DLG2: variants seen among roughly 807,000 people sequenced by gnomAD.
DLG2 encodes discs large MAGUK scaffold protein 2.
In DLG2, 45 loss-of-function variants were observed where a neutral mutation model predicts 132.5. The ratio of observed to expected loss-of-function variants is 0.34; its 90% CI spans 0.27 to 0.44. DLG2 has a LOEUF of 0.44. DLG2 is among the 20% of genes least tolerant of loss of function. DLG2 has a pLI of 1.00. For missense variants in DLG2, 1,045 were observed against 1,196.9 expected, an observed-to-expected ratio of 0.87 and a Z score of 1.87; for synonymous variants, 424 against 419.6, an observed-to-expected ratio of 1.01 and a Z score of -0.13.
At chr11:83,900,355 T>G (rs1355358205) in intron 15 of DLG2, among the ~76,000 whole-genome samples, 1 of 151,714 alleles carries the variant, frequency 6.6e-6, no homozygotes, top group Non-Finnish European at 1.5e-5. Flanking sequence ...CCTAAGAAAA[T>G]GGGGGAAATG....
intron 3 of DLG2, among the ~76,000 whole-genome samples, chr11:85,318,802 G>A (rs2080860970): frequency 6.6e-6 from 1 of 151,762 alleles, no homozygotes; most frequent in Non-Finnish European, 1.5e-5. Flanking sequence ...CTTCCTTCCA[G>A]CAACCCTCTA....
intron 18 of DLG2, among the ~76,000 whole-genome samples, chr11:83,642,182 G>A (rs866024751): frequency 3.3e-5 from 5 of 152,260 alleles, no homozygotes; most frequent in South Asian, 2.1e-4. Context: ...CTGGCATAGC[G>A]TGTGGCACAC....
chr11:84,896,930 G>T (rs965481152), intron 6 of DLG2, among the ~76,000 whole-genome samples: 2 of 151,382 alleles, frequency 1.3e-5, no homozygotes, highest in African/African-American at 4.8e-5. Context: ...ATCCATTGGG[G>T]GTTTTGAGCA....
chr11:84,686,630 G>GTTTTGTTTT (rs2099738391), intron 6 of DLG2, among the ~76,000 whole-genome samples: 1 of 113,804 alleles, frequency 8.8e-6, no homozygotes, highest in African/African-American at 3.4e-5. Context: ...TGGCCTTGAG[G>GTTTTGTTTT]TTTTTTTTTT....
At chr11:84,546,506 C>T (rs11234071) in intron 6 of DLG2, 7,259 of 305,034 alleles carry the variant, frequency 0.024, 131 homozygotes, top group Non-Finnish European at 0.035. Context: ...CAACCATGAG[C>T]TGATACAGCC....
At chr11:83,846,941 C>CAAAA (rs2058740920) in intron 16 of DLG2, among the ~76,000 whole-genome samples, 11 of 68,496 alleles carry the variant, frequency 1.6e-4, no homozygotes, top group East Asian at 3.7e-4. Flanking sequence ...TCTCCCAAGC[C>CAAAA]AAAAAAAAAA....
chr11:83,656,984 C>T (rs2072679596), intron 18 of DLG2, among the ~76,000 whole-genome samples: 1 of 152,168 alleles, frequency 6.6e-6, no homozygotes, highest in Non-Finnish European at 1.5e-5. Context: ...CCCATGAGTG[C>T]CTCCTGAAAT....
chr11:84,241,967 T>C (rs1176516353), intron 8 of DLG2, among the ~76,000 whole-genome samples: 1 of 152,224 alleles, frequency 6.6e-6, no homozygotes. Context: ...AGACTGCACC[T>C]TGAGCAGCTT....
intron 18 of DLG2, among the ~76,000 whole-genome samples, chr11:83,730,312 T>C (rs1049657927): frequency 6.6e-6 from 1 of 152,138 alleles, no homozygotes; most frequent in Non-Finnish European, 1.5e-5. Flanking sequence ...ACCTTGTAAA[T>C]TACTTAACCA....
At chr11:84,557,373 C>T (rs2099413956) in intron 6 of DLG2, among the ~76,000 whole-genome samples, 1 of 151,980 alleles carries the variant, frequency 6.6e-6, no homozygotes, top group Admixed American at 6.6e-5. Context: ...TTGATTTTAG[C>T]TCCCACAATG....
Position 84,469,933 on chromosome 11 carries a change from G to A in DLG2, c.519+64637C>T, listed in dbSNP as rs890030398. 2.6e-5 allele frequency among the ~76,000 whole-genome samples: 4 copies of A among 151,736 alleles called. No individual in the cohort carries two copies. In the South Asian group the frequency reaches 6.2e-4, roughly 24 times the overall value. On this transcript the variant is annotated intron_variant, in intron 7 of 27. Coordinates refer to ENST00000376104, the MANE Select transcript of DLG2 (RefSeq NM_001142699.3). ...TAATTACATAAACCTAGATGGTATA[G>A]CCCAATACACATTGAGACTATGTAA...
At chr11:84,835,380 A>G (rs964791881) in intron 6 of DLG2, among the ~76,000 whole-genome samples, 1 of 151,712 alleles carries the variant, frequency 6.6e-6, no homozygotes, top group Non-Finnish European at 1.5e-5. Flanking sequence ...TAACTCATTT[A>G]GACTCTCTAT....
intron 3 of DLG2, among the ~76,000 whole-genome samples, chr11:85,517,670 C>T (rs76425741): frequency 6.6e-6 from 1 of 151,678 alleles, no homozygotes; most frequent in Non-Finnish European, 1.5e-5. Flanking sequence ...AGTGCAATGG[C>T]ACAATCATAG....
rs1159749191 is a variant in DLG2, at chr11:84,390,017, ACT to A, written c.520-138728_520-138727del. Among the ~76,000 whole-genome samples, 6 of 152,180 alleles carry A rather than the reference ACT, an allele frequency of 3.9e-5. 1 individual carries two copies. Among genetic ancestry groups the A allele is most frequent in the African/African-American group, 1.4e-4 (6 of 41,454 alleles). On this transcript the variant is annotated intron_variant, in intron 7 of 27. Transcript: ENST00000376104. ...TCAATATGAATATTCAGTTTGATAC[ACT>A]GTTTTTAATATTGCCTTAAGTGGTA...
Position 84,502,271 on chromosome 11 carries a change from C to T in DLG2, c.519+32299G>A, listed in dbSNP as rs1489609115. Among the ~76,000 whole-genome samples the T allele has an allele frequency of 4.3e-3, 93 of 21,842 alleles. 17 individuals are homozygous for T. The highest frequency in any genetic ancestry group is 0.032 in the South Asian group (14 of 440). 14.3% of individuals were successfully genotyped at this position (21,842 alleles called of 152,430 possible). On this transcript the variant is annotated intron_variant, in intron 7 of 27. Coordinates refer to ENST00000376104, the MANE Select transcript of DLG2 (RefSeq NM_001142699.3). ...CCTTCCTTCCTTCCTTCCTTCCTTCCTTCCTTCCTTCTTTCTTTCTTTCTT... is the reference window on the plus strand; with the variant it reads ...CCTTCCTTCCTTCCTTCCTTCCTTCTTTCCTTCCTTCTTTCTTTCTTTCTT...
At chr11:83,957,122 G>A (rs2095226526) in intron 14 of DLG2, among the ~76,000 whole-genome samples, 1 of 152,128 alleles carries the variant, frequency 6.6e-6, no homozygotes, top group Non-Finnish European at 1.5e-5. Flanking sequence ...TTATGCTTGG[G>A]CAGAAATCTT....
At chr11:84,358,363 ATTTT>A (rs770602681) in intron 7 of DLG2, among the ~76,000 whole-genome samples, 7 of 121,480 alleles carry the variant, frequency 5.8e-5, no homozygotes, top group East Asian at 2.5e-4. Flanking sequence ...AAGTCCCAGT[ATTTT>A]TTTTTTTTTT....
chr11:85,576,663 A>T (rs185342453), intron 3 of DLG2, among the ~76,000 whole-genome samples: 166 of 152,332 alleles, frequency 1.1e-3, no homozygotes, highest in African/African-American at 3.8e-3. Context: ...AGCTTATGTT[A>T]TAGTCCATGA....
At chr11:85,351,777 T>C (rs184876286) in intron 3 of DLG2, among the ~76,000 whole-genome samples, 67 of 152,340 alleles carry the variant, frequency 4.4e-4, no homozygotes, top group African/African-American at 1.6e-3. Flanking sequence ...TCGTGGTGGA[T>C]AAGCTTTTTG....
Sources: allele counts gnomAD v4.1 joint callset (sites outside exome capture counted in the v4.1 genomes callset), GRCh38; gene constraint gnomAD v4.1.1; transcripts MANE v1.5; gene names NCBI Gene and HGNC (gene_info 2026-07-23, HGNC 2026-07-21).